The following TMTC4 variants were observed in gnomAD, a reference collection of about 807,000 sequenced individuals.
TMTC4 encodes transmembrane O-mannosyltransferase targeting cadherins 4.
TMTC4 carries 65 observed loss-of-function variants against 86.0 expected under a neutral mutation model. The observed-to-expected ratio is 0.76, with a 90% CI of 0.62 to 0.93. The LOEUF (loss-of-function observed/expected upper bound fraction) is 0.93. TMTC4 is among the 40% of genes least tolerant of loss of function. The pLI is 0.00. For synonymous variants in TMTC4, 379 were observed against 382.5 expected, an observed-to-expected ratio of 0.99 and a Z score of 0.11; for missense variants, 866 against 948.1, an observed-to-expected ratio of 0.91 and a Z score of 1.14.
chr13:100,663,027 G>A lies in TMTC4; in HGVS notation c.489C>T (p.Leu163=). The A allele has an allele frequency of 6.8e-6, 11 of 1,614,214 alleles. No homozygotes were observed. The highest frequency in any genetic ancestry group is 1.7e-5 in the Admixed American group (1 of 60,020). ...CGGCCAGCAGGGACGCCCTGGGGGC[G>A]AGGTGCAGCCTCCGGCCTTTACTGG... ...QYTSKGRRLH[L]APRASLLAAL... Residue 163 remains leucine (L), a synonymous_variant, in exon 5 of 19, where the codon CTC becomes CTT. Coordinates refer to ENST00000342624, the MANE Select transcript of TMTC4 (RefSeq NM_032813.5).
intron 15 of TMTC4, among the ~76,000 whole-genome samples, chr13:100,614,644 T>C (rs1247137827): frequency 6.6e-6 from 1 of 152,186 alleles, no homozygotes; most frequent in East Asian, 1.9e-4. Flanking sequence ...GTTATCCCCA[T>C]TTTACAGAGG....
intron 3 of TMTC4, 42 bp downstream of exon 3, chr13:100,668,537 G>T (rs1332535265): frequency 3.8e-6 from 6 of 1,577,228 alleles, no homozygotes; most frequent in Non-Finnish European, 5.2e-6. Context: ...CTGAGACACA[G>T]TTGGGCAGTT....
At position 100,656,421 on chromosome 13, in the gene TMTC4, G is replaced by GT. The variant is rs1885114418; in HGVS notation, c.599_600insA (p.Phe200LeufsTer10). On this transcript the variant is annotated frameshift_variant, in exon 6 of 19. Transcript: ENST00000342624. LOFTEE classifies it high-confidence loss of function. ...TACAGTAGCCAAGGAAAGATAACAAGAAGAACAGGGCACACAGGAGGTCTG... is the reference window on the plus strand; with the variant it reads ...TACAGTAGCCAAGGAAAGATAACAAGTAAGAACAGGGCACACAGGAGGTCTG... 6.2e-7 allele frequency: 1 copy of GT among 1,612,620 alleles called. No homozygotes were observed. Among genetic ancestry groups the GT allele is most frequent in the Non-Finnish European group, 8.5e-7 (1 of 1,179,582 alleles).
intron 1 of TMTC4, among the ~76,000 whole-genome samples, chr13:100,672,480 C>T (rs894132531): frequency 3.9e-5 from 6 of 152,160 alleles, no homozygotes; most frequent in Non-Finnish European, 8.8e-5. Flanking sequence ...CGGGGGACCA[C>T]CCTCTCTACA....
chr13:100,639,830 C>A (rs1882778753), intron 7 of TMTC4, among the ~76,000 whole-genome samples: 2 of 152,088 alleles, frequency 1.3e-5, no homozygotes, highest in South Asian at 4.2e-4. Context: ...ATCCCAGCTA[C>A]TCGGGAGGCT....
intron 6 of TMTC4, among the ~76,000 whole-genome samples, chr13:100,646,540 G>A (rs1449924060): frequency 1.3e-5 from 2 of 152,198 alleles, no homozygotes; most frequent in African/African-American, 4.8e-5. Context: ...TCAAACCACA[G>A]CCCGTTTCAT....
rs17579147 is a variant in TMTC4 at position 100,656,400 on chromosome 13, G to A, written c.621C>T (p.Tyr207=). The A allele has an allele frequency of 0.015, 24,826 of 1,613,050 alleles. 248 individuals carry two copies. Among genetic ancestry groups the A allele is most frequent in the Non-Finnish European group, 0.018 (21,810 of 1,179,636 alleles). The change falls in exon 6 of 19, where the codon TAC becomes TAT. Residue 207 remains tyrosine (Y), a synonymous_variant. Transcript: ENST00000342624. ...ALFFLLSFLG[Y]CKAFRESNKE... is the part of the protein sequence containing the mutation. ...GCTTACTTTCTCTAAATGCTTTACA[G>A]TAGCCAAGGAAAGATAACAAGAAGA... is the stretch of plus-strand genomic sequence containing the variant.
intron 17 of TMTC4, among the ~76,000 whole-genome samples, chr13:100,610,461 G>A (rs1354210326): frequency 6.6e-6 from 1 of 152,208 alleles, no homozygotes; most frequent in Non-Finnish European, 1.5e-5. Context: ...CTGATGCCAT[G>A]GCTCAGGAAG....
chr13:100,645,242 AC>A (rs1172676260), intron 6 of TMTC4, among the ~76,000 whole-genome samples: 1 of 151,944 alleles, frequency 6.6e-6, no homozygotes, highest in African/African-American at 2.4e-5. Context: ...CCCAGCATAC[AC>A]TCACTCCAGG....
chr13:100,665,728 T>C (rs1886314355), intron 3 of TMTC4, among the ~76,000 whole-genome samples: 1 of 152,216 alleles, frequency 6.6e-6, no homozygotes, highest in Non-Finnish European at 1.5e-5. Context: ...ACAGCCACCA[T>C]GCGACTTAGC....
At chr13:100,664,105 A>G in intron 4 of TMTC4, 116 bp downstream of exon 4, 1 of 850,316 alleles carries the variant, frequency 1.2e-6, no homozygotes, top group East Asian at 2.9e-5. Flanking sequence ...CTCAGACCCC[A>G]CCTGGAGCCA....
At chr13:100,669,090 A>G (rs1015661612) in intron 2 of TMTC4, among the ~76,000 whole-genome samples, 8 of 152,254 alleles carry the variant, frequency 5.3e-5, no homozygotes, top group African/African-American at 1.9e-4. Flanking sequence ...CCCACAAGGC[A>G]AATCATTTTT....
chr13:100,650,274 A>C (rs1884267140), intron 6 of TMTC4, among the ~76,000 whole-genome samples: 1 of 152,234 alleles, frequency 6.6e-6, no homozygotes, highest in Admixed American at 6.5e-5. Context: ...GAATTCACTC[A>C]CTTAGGTAAA....
chr13:100,609,741 T>C (rs945439006), intron 17 of TMTC4, among the ~76,000 whole-genome samples: 3 of 151,934 alleles, frequency 2.0e-5, no homozygotes, highest in Non-Finnish European at 4.4e-5. Flanking sequence ...CATTTGATAG[T>C]TGCAAATTAA....
At chr13:100,673,100 G>T (rs745351455) in intron 1 of TMTC4, among the ~76,000 whole-genome samples, 1 of 152,168 alleles carries the variant, frequency 6.6e-6, no homozygotes, top group Non-Finnish European at 1.5e-5. Flanking sequence ...CTGGAACAAA[G>T]CAGACGTCCC....
intron 10 of TMTC4, 51 bp from the exon 11 acceptor site, chr13:100,635,246 A>G (rs1469870945): frequency 2.7e-6 from 4 of 1,462,302 alleles, no homozygotes; most frequent in Non-Finnish European, 3.6e-6. Context: ...ACTTCTCAAG[A>G]AAAACATCCT....
chr13:100,646,694 T>A (rs1039967813), intron 6 of TMTC4, among the ~76,000 whole-genome samples: 1 of 152,200 alleles, frequency 6.6e-6, no homozygotes, highest in Non-Finnish European at 1.5e-5. Flanking sequence ...CTCTACTGAA[T>A]ACCATTACAC....
intron 5 of TMTC4, among the ~76,000 whole-genome samples, chr13:100,662,160 C>T (rs1594367935): frequency 6.7e-6 from 1 of 149,282 alleles, no homozygotes; most frequent in Non-Finnish European, 1.5e-5. Flanking sequence ...GAAAGCGGTG[C>T]CCGTACCCTG....
chr13:100,647,400 A>G (rs1883898467), intron 6 of TMTC4, among the ~76,000 whole-genome samples: 1 of 152,100 alleles, frequency 6.6e-6, no homozygotes, highest in Non-Finnish European at 1.5e-5. Flanking sequence ...TAGAAACCAA[A>G]TGGACACCCT....
Sources: allele counts gnomAD v4.1 joint callset (sites outside exome capture counted in the v4.1 genomes callset), GRCh38; gene constraint gnomAD v4.1.1; transcripts MANE v1.5; gene names NCBI Gene and HGNC (gene_info 2026-07-23, HGNC 2026-07-21).